Variants in TXLNG observed in about 807,000 individuals in gnomAD.
TXLNG encodes the protein taxilin gamma, also known as gamma-taxilin.
In TXLNG, 5 loss-of-function variants were observed where a neutral mutation model predicts 38.8. That is an observed-to-expected ratio of 0.13 (90% CI 0.07 to 0.27). The LOEUF is 0.27. Ranked by LOEUF, TXLNG falls within the 10% of genes least tolerant of loss-of-function variation. The probability of loss-of-function intolerance (pLI) is 1.00; values close to 1 mark genes in which losing one functional copy is unlikely to be tolerated. For synonymous variants in TXLNG, 182 were observed against 158.2 expected, an observed-to-expected ratio of 1.15 and a Z score of -1.13; for missense variants, 393 against 398.2, an observed-to-expected ratio of 0.99 and a Z score of 0.11.
intron 7 of TXLNG, among the ~76,000 whole-genome samples, chrX:16,836,906 A>G (rs1031174289): frequency 1.8e-5 from 2 of 111,478 alleles, no homozygotes; most frequent in Admixed American, 9.5e-5. Context: ...TATGAGGGCC[A>G]GCTCAGGCCT....
intron 1 of TXLNG, among the ~76,000 whole-genome samples, chrX:16,807,271 A>G (rs1015332318): frequency 3.6e-5 from 4 of 111,875 alleles, no homozygotes; most frequent in Non-Finnish European, 5.6e-5. Context: ...TTCTGAATGC[A>G]TATTGGTATT....
chrX:16,819,168 A>C (rs760017740), intron 2 of TXLNG, among the ~76,000 whole-genome samples: 1 of 110,394 alleles, frequency 9.1e-6, no homozygotes, highest in Non-Finnish European at 1.9e-5. Flanking sequence ...CAAACTCCTA[A>C]GCTCAAGCAG....
chrX:16,810,833 A>ACC (rs1195607390), intron 1 of TXLNG, among the ~76,000 whole-genome samples: 2 of 110,860 alleles, frequency 1.8e-5, no homozygotes, highest in African/African-American at 6.6e-5. Flanking sequence ...GGCACGTGCC[A>ACC]CCATGCCCAG....
intron 1 of TXLNG, among the ~76,000 whole-genome samples, chrX:16,795,150 G>A (rs1338366569): frequency 9.1e-6 from 1 of 109,742 alleles, no homozygotes; most frequent in African/African-American, 3.3e-5. Context: ...GGTGGTGGGC[G>A]CCTGTAGTCC....
Position 16,839,813 on chromosome X carries a change from A to G in TXLNG, c.1153-8A>G. 1 of 1,151,888 alleles carries G rather than the reference A, an allele frequency of 8.7e-7. No individual in the cohort carries two copies. Among genetic ancestry groups the G allele is most frequent in the South Asian group, 1.9e-5 (1 of 52,766 alleles). 94.9% of individuals were successfully genotyped at this position (1,151,888 alleles called of 1,213,427 possible). ...ACTTAGAATTTAAATGTGCAATTGT[A>G]TTCACAGATGACAAAGAAAATTAAA... On this transcript the variant is annotated splice_region_variant and splice_polypyrimidine_tract_variant and intron_variant, in intron 8 of 9. Coordinates refer to ENST00000380122, the MANE Select transcript of TXLNG (RefSeq NM_018360.3).
rs374791481 is a variant in TXLNG at position 16,818,984 on chromosome X, A to G, written c.406+107A>G. On this transcript the variant is annotated intron_variant, in intron 2 of 9. Coordinates refer to ENST00000380122, the MANE Select transcript of TXLNG (RefSeq NM_018360.3). ...CAGCCACTTTAGAGGTGCTTAGCCAACACCCCTAGTGTCTTCGGTGAGGTC... is the reference window on the plus strand; with the variant it reads ...CAGCCACTTTAGAGGTGCTTAGCCAGCACCCCTAGTGTCTTCGGTGAGGTC... 7.0e-6 allele frequency: 6 copies of G among 857,396 alleles called. No individual in the cohort carries two copies. The African/African-American group carries it at 1.2e-4, about 18-fold the overall frequency. The allele number at this position is 857,396 out of a possible 1,213,427, so 70.7% of individuals were successfully genotyped here. A position where few individuals can be genotyped will look rare whatever the true frequency, so the allele number is the denominator to read the frequency against.
At chrX:16,837,829 C>A in intron 8 of TXLNG, 144 bp downstream of exon 8, 1 of 391,888 alleles carries the variant, frequency 2.6e-6, no homozygotes, top group Non-Finnish European at 4.3e-6. Flanking sequence ...CATTTTTGGT[C>A]ATTTTGCCCT....
At chrX:16,788,155 G>A (rs770127667) in intron 1 of TXLNG, among the ~76,000 whole-genome samples, 2 of 112,254 alleles carry the variant, frequency 1.8e-5, no homozygotes, top group South Asian at 3.7e-4. Context: ...GTTTGATTTC[G>A]TAGGTTCCCC....
At chrX:16,805,144 C>T (rs1472539319) in intron 1 of TXLNG, among the ~76,000 whole-genome samples, 1 of 107,959 alleles carries the variant, frequency 9.3e-6, no homozygotes, top group East Asian at 2.9e-4. Context: ...CCGTCACACA[C>T]GGCTAATTTT....
Position 16,841,493 on chromosome X carries a change from C to T in TXLNG, c.1314C>T (p.Cys438=). Residue 438 remains cysteine, a synonymous_variant, in exon 10 of 10, where the codon TGC becomes TGT. Transcript: ENST00000380122. The part of the protein sequence containing the change: ...QIKLERLEKL[C]RALQTERNEL... ...AACTGGAACGGTTAGAGAAGCTGTGCAGGGCTCTTCAGACAGAAAGGAATG... is the reference window on the plus strand; with the variant it reads ...AACTGGAACGGTTAGAGAAGCTGTGTAGGGCTCTTCAGACAGAAAGGAATG... 1 of 1,211,603 alleles carries T rather than the reference C, an allele frequency of 8.3e-7. No homozygotes were observed. The highest frequency in any genetic ancestry group is 1.1e-6 in the Non-Finnish European group (1 of 895,418).
intron 1 of TXLNG, among the ~76,000 whole-genome samples, chrX:16,787,379 CTCT>C (rs1384174154): frequency 2.8e-5 from 2 of 72,430 alleles, no homozygotes; most frequent in Non-Finnish European, 3.5e-5. Context: ...CTTTTTTCCC[CTCT>C]TTTTTTTCTT....
intron 7 of TXLNG, among the ~76,000 whole-genome samples, chrX:16,834,650 G>T (rs948284595): frequency 9.0e-6 from 1 of 111,673 alleles, no homozygotes; most frequent in Admixed American, 9.5e-5. Context: ...TGTCTTCAGT[G>T]ACCCTTTCTA....
At position 16,843,205 on chromosome X, in the gene TXLNG, C is replaced by A. The variant is rs949144273; in HGVS notation, c.*1439C>A. 1 of 112,419 alleles carries A rather than the reference C, an allele frequency of 8.9e-6. No homozygotes were observed. 9.3% of individuals were successfully genotyped at this position (112,419 alleles called of 1,213,427 possible). ...TAAATTGCTTACTGGACTGAATAAACTCTGTTTTGTCCAGTTAAAAGGGTT... is the reference window on the plus strand; with the variant it reads ...TAAATTGCTTACTGGACTGAATAAAATCTGTTTTGTCCAGTTAAAAGGGTT... On this transcript the variant is annotated 3_prime_UTR_variant, in exon 10 of 10. Transcript: ENST00000380122.
At chrX:16,800,173 C>T (rs1047758776) in intron 1 of TXLNG, among the ~76,000 whole-genome samples, 5 of 112,109 alleles carry the variant, frequency 4.5e-5, no homozygotes, top group Non-Finnish European at 9.4e-5. Flanking sequence ...CTCCTGACCT[C>T]AGGCGATCCA....
At chrX:16,791,461 C>G (rs1304847099) in intron 1 of TXLNG, among the ~76,000 whole-genome samples, 1 of 112,153 alleles carries the variant, frequency 8.9e-6, no homozygotes, top group African/African-American at 3.2e-5. Flanking sequence ...TTACTGGGAT[C>G]AAATAGGACA....
chrX:16,844,439 G>A lies in TXLNG; in HGVS notation c.*2673G>A, dbSNP rs759649052. On this transcript the variant is annotated 3_prime_UTR_variant, in exon 10 of 10. Coordinates refer to ENST00000380122, the MANE Select transcript of TXLNG (RefSeq NM_018360.3). ...TCGTTTTGCTTTTCAAAGACATTTT[G>A]TAGAGATTTTTCACTAATGTGAATC... The A allele has an allele frequency of 8.9e-6, 1 of 112,105 alleles. No homozygotes were observed. The highest frequency in any genetic ancestry group is 3.7e-4 in the South Asian group (1 of 2,715). The allele number at this position is 112,105 out of a possible 1,213,427, so 9.2% of individuals were successfully genotyped here.
At position 16,793,340 on chromosome X, in the gene TXLNG, A is replaced by G. The variant is rs374929669; in HGVS notation, c.102+6751A>G. On this transcript the variant is annotated intron_variant, in intron 1 of 9. Coordinates refer to ENST00000380122, the MANE Select transcript of TXLNG (RefSeq NM_018360.3). ...ATAAAATAACTGGTGTTTTCCTCCT[A>G]TGCTATCAAAATAATTGTATTAGCA... is the stretch of plus-strand genomic sequence containing the variant. Among the ~76,000 whole-genome samples the G allele has an allele frequency of 2.7e-4, 30 of 111,599 alleles. No individual in the cohort carries two copies. In the East Asian group the frequency reaches 3.4e-3, roughly 12 times the overall value.
At position 16,824,753 on chromosome X, in the gene TXLNG, C is replaced by T. The variant is rs764422908; in HGVS notation, c.499-3341C>T. On this transcript the variant is annotated intron_variant, in intron 3 of 9. Transcript: ENST00000380122. ...CCAATATGGTGAAAGCCCGTCTCTA[C>T]TAAAAAAATAAAAAAAAAAAAATTA... Among the ~76,000 whole-genome samples the T allele has an allele frequency of 9.0e-5, 6 of 66,837 alleles. No homozygotes were observed. In the South Asian group the frequency reaches 3.5e-3, roughly 39 times the overall value. The allele number at this position is 66,837 out of a possible 115,157, so 58.0% of individuals were successfully genotyped here.
chrX:16,828,057 CT>C, intron 3 of TXLNG, 36 bp from the exon 4 acceptor site: 1 of 1,143,442 alleles, frequency 8.7e-7, no homozygotes, highest in Non-Finnish European at 1.2e-6. Context: ...AAGATTTTTA[CT>C]GTACTTCCTA....
Sources: allele counts gnomAD v4.1 joint callset (sites outside exome capture counted in the v4.1 genomes callset), GRCh38; gene constraint gnomAD v4.1.1; transcripts MANE v1.5; gene names NCBI Gene and HGNC (gene_info 2026-07-23, HGNC 2026-07-21).